The following UNC13C variants were observed in gnomAD, a reference collection of about 807,000 sequenced individuals.
The protein encoded by UNC13C is unc-13 homolog C, also known as protein unc-13 homolog C.
A neutral mutation model predicts 245.4 loss-of-function variants in UNC13C; 174 were observed. The observed-to-expected ratio is 0.71, with a 90% confidence interval of 0.63 to 0.80. The LOEUF (loss-of-function observed/expected upper bound fraction) is 0.80, where lower values mean the gene tolerates loss of function less well. Among genes scored for constraint, UNC13C ranks in the 30% least tolerant of loss-of-function variants. UNC13C has a pLI of 0.00. For missense variants in UNC13C, 2,829 were observed against 2,602.9 expected (o/e 1.09, Z -1.89); for synonymous variants, 992 against 895.1 (o/e 1.11, Z -1.93).
At chr15:54,288,779 A>T (rs1341194151) in intron 10 of UNC13C, among the ~76,000 whole-genome samples, 1 of 152,102 alleles carries the variant, frequency 6.6e-6, no homozygotes, top group Non-Finnish European at 1.5e-5. Context: ...GGCTTCCAGG[A>T]GACGGGCTCT....
chr15:54,214,735 TATGA>T (rs1308239212), intron 4 of UNC13C, among the ~76,000 whole-genome samples: 1 of 152,032 alleles, frequency 6.6e-6, no homozygotes, highest in Non-Finnish European at 1.5e-5. Flanking sequence ...TTTCATTAAT[TATGA>T]ATGATCATAC....
the UNC13C span, among the ~76,000 whole-genome samples, chr15:53,967,698 G>C: frequency 2.0e-5 from 3 of 152,282 alleles, no homozygotes; most frequent in East Asian, 5.8e-4. Context: ...TTAAGGTGGT[G>C]GCAGAAGGGA....
chr15:54,036,347 A>C (rs1328522614), intron 2 of UNC13C, among the ~76,000 whole-genome samples: 1 of 152,214 alleles, frequency 6.6e-6, no homozygotes, highest in Non-Finnish European at 1.5e-5. Context: ...CCCACAACAA[A>C]GAATGATCTG....
At chr15:54,595,464 G>A (rs561837168) in intron 30 of UNC13C, among the ~76,000 whole-genome samples, 1 of 152,218 alleles carries the variant, frequency 6.6e-6, no homozygotes, top group South Asian at 2.1e-4. Flanking sequence ...CCTTCAGGGG[G>A]TCTGTGGTTC....
chr15:54,123,724 A>G (rs765462353), intron 2 of UNC13C, among the ~76,000 whole-genome samples: 12 of 152,116 alleles, frequency 7.9e-5, no homozygotes, highest in Admixed American at 2.0e-4. Flanking sequence ...TATAATGTGC[A>G]AGTATGGTTC....
intron 16 of UNC13C, among the ~76,000 whole-genome samples, chr15:54,336,393 T>C (rs374607203): frequency 4.3e-4 from 65 of 152,158 alleles, no homozygotes; most frequent in Middle Eastern, 3.4e-3. Context: ...TTGTCAGATA[T>C]GTGATTTGCT....
At chr15:54,146,098 A>G (rs2032244352) in intron 4 of UNC13C, among the ~76,000 whole-genome samples, 1 of 152,176 alleles carries the variant, frequency 6.6e-6, no homozygotes, top group Admixed American at 6.5e-5. Context: ...ACGTTTACAT[A>G]TGAGCCTTCA....
chr15:54,169,108 G>A (rs950491671), intron 4 of UNC13C, among the ~76,000 whole-genome samples: 1 of 152,180 alleles, frequency 6.6e-6, no homozygotes, highest in Admixed American at 6.5e-5. Flanking sequence ...TATTGAAGAA[G>A]TAGAACCAGG....
intron 4 of UNC13C, among the ~76,000 whole-genome samples, chr15:54,227,487 C>T (rs1256227754): frequency 6.6e-6 from 1 of 152,218 alleles, no homozygotes; most frequent in Admixed American, 6.5e-5. Context: ...GCTGAGCCAC[C>T]TGCAGCACCC....
chr15:54,425,403 C>G (rs560493589), intron 19 of UNC13C, among the ~76,000 whole-genome samples: 1 of 151,934 alleles, frequency 6.6e-6, no homozygotes, highest in East Asian at 1.9e-4. Context: ...ATTCACAGTA[C>G]AGGTGAATCA....
chr15:54,277,133 G>T (rs2036854229), intron 10 of UNC13C, among the ~76,000 whole-genome samples: 1 of 152,030 alleles, frequency 6.6e-6, no homozygotes, highest in Non-Finnish European at 1.5e-5. Flanking sequence ...CAAACATTAT[G>T]ATATGAACTC....
chr15:54,411,613 G>A (rs2040417646), intron 18 of UNC13C, among the ~76,000 whole-genome samples: 1 of 149,000 alleles, frequency 6.7e-6, no homozygotes, highest in South Asian at 2.2e-4. Context: ...TTTCTTCACT[G>A]ACATACTGTT....
intron 13 of UNC13C, among the ~76,000 whole-genome samples, chr15:54,307,654 G>C (rs2037761522): frequency 6.6e-6 from 1 of 151,926 alleles, no homozygotes; most frequent in Admixed American, 6.6e-5. Context: ...AGAAGTGTCA[G>C]AGGAAGCCGA....
At chr15:54,085,898 G>A (rs913169204) in intron 2 of UNC13C, among the ~76,000 whole-genome samples, 1 of 152,088 alleles carries the variant, frequency 6.6e-6, no homozygotes, top group African/African-American at 2.4e-5. Flanking sequence ...ATTATGAAAC[G>A]ATTGTTGGAG....
At chr15:54,303,070 T>G (rs2037630155) in intron 13 of UNC13C, among the ~76,000 whole-genome samples, 1 of 152,150 alleles carries the variant, frequency 6.6e-6, no homozygotes, top group Non-Finnish European at 1.5e-5. Flanking sequence ...TAGAGATCAC[T>G]CGATTGAACC....
the UNC13C span, among the ~76,000 whole-genome samples, chr15:53,845,086 G>A: frequency 1.3e-5 from 2 of 152,114 alleles, no homozygotes; most frequent in Non-Finnish European, 2.9e-5. Flanking sequence ...AGCACTTTGG[G>A]AGGCCAAGGT....
At chr15:54,382,450 G>A (rs1235744806) in intron 17 of UNC13C, among the ~76,000 whole-genome samples, 1 of 152,012 alleles carries the variant, frequency 6.6e-6, no homozygotes. Flanking sequence ...TTATCCTAGT[G>A]TAGTGGCATA....
chr15:54,518,822 T>A (rs1406861438), intron 24 of UNC13C, among the ~76,000 whole-genome samples: 1 of 151,994 alleles, frequency 6.6e-6, no homozygotes, highest in Non-Finnish European at 1.5e-5. Flanking sequence ...TCAGACAGAG[T>A]AGGTCAGGGG....
At chr15:53,996,637 C>A (rs963417314) in intron 1 of UNC13C, among the ~76,000 whole-genome samples, 1 of 152,124 alleles carries the variant, frequency 6.6e-6, no homozygotes, top group East Asian at 1.9e-4. Context: ...AATCTCCACT[C>A]TTCATAGCCA....
Sources: allele counts gnomAD v4.1 joint callset (sites outside exome capture counted in the v4.1 genomes callset), GRCh38; gene constraint gnomAD v4.1.1; transcripts MANE v1.5; gene names NCBI Gene and HGNC (gene_info 2026-07-23, HGNC 2026-07-21).